The following MMP26 variants were observed in gnomAD, a reference collection of about 807,000 sequenced individuals.
MMP26 encodes matrix metalloproteinase-26.
In MMP26, 33 loss-of-function variants were observed where a neutral mutation model predicts 31.0. The ratio of observed to expected loss-of-function variants is 1.06; its 90% confidence interval spans 0.81 to 1.42. The LOEUF is 1.42. Among genes scored for constraint, MMP26 ranks in the 40% most tolerant of loss-of-function variants. MMP26 has a pLI of 0.00. For missense variants in MMP26, 347 were observed against 316.1 expected (o/e 1.10, Z -0.74); for synonymous variants, 122 against 114.9 (o/e 1.06, Z -0.40).
chr11:4,785,668 AT>A (rs1848933226), intron 2 of MMP26, among the ~76,000 whole-genome samples: 1 of 152,142 alleles, frequency 6.6e-6, no homozygotes, highest in Admixed American at 6.5e-5. Flanking sequence ...CAGCCCAAAT[AT>A]TTTTCCTTTC....
At chr11:4,723,164 C>G in intron 1 of MMP26, 2 of 1,598,006 alleles carry the variant, frequency 1.3e-6, no homozygotes, top group East Asian at 2.2e-5. Context: ...CAGCTCCCCA[C>G]GCTGCTCGGC....
Position 4,989,754 on chromosome 11 carries a change from T to G in MMP26, c.206T>G (p.Leu69Arg), listed in dbSNP as rs758131539. ...QQFHRNGTDLLDMQMHALLHQ... is the reference protein window; with the variant it reads ...QQFHRNGTDLRDMQMHALLHQ... ...TTCCATCGGAATGGGACAGACCTAC[T>G]TGACATGCAGATGCATGCTCTGCTA... Residue 69 changes from leucine (L) to arginine (R), a missense_variant, in exon 4 of 8, where the codon CTT becomes CGT. Leu to Arg is a moderately radical substitution (Grantham distance 102). Transcript: ENST00000380390. The G allele has an allele frequency of 1.2e-6, 2 of 1,614,054 alleles. No homozygotes were observed. The highest frequency in any genetic ancestry group is 4.5e-5 in the East Asian group (2 of 44,870).
intron 2 of MMP26, among the ~76,000 whole-genome samples, chr11:4,929,134 T>C (rs984113018): frequency 6.6e-6 from 1 of 152,152 alleles, no homozygotes; most frequent in Non-Finnish European, 1.5e-5. Context: ...CAAAAATATG[T>C]GCAGCAGAGA....
chr11:4,903,993 A>C (rs1053460105), intron 2 of MMP26: 3 of 152,112 alleles, frequency 2.0e-5, no homozygotes, highest in African/African-American at 7.2e-5. Flanking sequence ...TAATGCCCTA[A>C]TATCAGTAGA....
At chr11:4,969,281 A>G (rs1372623014) in intron 2 of MMP26, among the ~76,000 whole-genome samples, 1 of 152,054 alleles carries the variant, frequency 6.6e-6, no homozygotes, top group Non-Finnish European at 1.5e-5. Flanking sequence ...TATAAAACAT[A>G]TAACAATAAG....
chr11:4,710,517 A>C, intron 1 of MMP26: 1 of 413,902 alleles, frequency 2.4e-6, no homozygotes, highest in Non-Finnish European at 4.9e-6. Context: ...AATTTAGGGA[A>C]GTTTGAGTGT....
At chr11:4,861,667 A>C (rs1159354765) in intron 2 of MMP26, among the ~76,000 whole-genome samples, 1 of 152,114 alleles carries the variant, frequency 6.6e-6, no homozygotes, top group Non-Finnish European at 1.5e-5. Context: ...AGGTAGAAGA[A>C]GATAAAAGTT....
At chr11:4,858,753 C>T (rs562899830) in intron 2 of MMP26, among the ~76,000 whole-genome samples, 1 of 152,236 alleles carries the variant, frequency 6.6e-6, no homozygotes, top group South Asian at 2.1e-4. Flanking sequence ...AAAAAAGAGC[C>T]CGCATTGCCA....
intron 2 of MMP26, chr11:4,803,568 C>A (rs1210549886): frequency 1.2e-6 from 2 of 1,613,914 alleles, no homozygotes; most frequent in East Asian, 2.2e-5. Context: ...CAACTCGGGG[C>A]ACATCATGGC....
In MMP26 at chr11:4,904,073, T is replaced by A. The variant is rs149134226; in HGVS notation, c.-144-83995T>A. Among the ~76,000 whole-genome samples the A allele has an allele frequency of 3.2e-3, 490 of 152,236 alleles. 3 individuals are homozygous for A. The highest frequency in any genetic ancestry group is 0.011 in the African/African-American group (470 of 41,576). On this transcript the variant is annotated intron_variant, in intron 2 of 7. Coordinates refer to ENST00000380390, the MANE Select transcript of MMP26 (RefSeq NM_021801.5). ...GTCAATTAAAAAATATAAATTACTC[T>A]TGTCCAATCTAGGACTTGATGTCTG...
intron 1 of MMP26, among the ~76,000 whole-genome samples, chr11:4,758,028 A>G (rs747905357): frequency 6.6e-6 from 1 of 152,224 alleles, no homozygotes; most frequent in African/African-American, 2.4e-5. Context: ...GAATGAAAGC[A>G]TATGTACACA....
chr11:4,769,074 A>G (rs144710348), intron 2 of MMP26: 13 of 1,571,570 alleles, frequency 8.3e-6, no homozygotes, highest in South Asian at 1.2e-5. Context: ...AAAAGCAGGT[A>G]TACATTAGCC....
At position 4,948,862 on chromosome 11, in the gene MMP26, C is replaced by A. The variant is rs189014341; in HGVS notation, c.-144-39206C>A. Among the ~76,000 whole-genome samples, 905 of 124,814 alleles carry A rather than the reference C, an allele frequency of 7.3e-3. 185 individuals are homozygous for A. Among genetic ancestry groups the A allele is most frequent in the African/African-American group, 0.024 (871 of 36,910 alleles). 81.9% of individuals were successfully genotyped at this position (124,814 alleles called of 152,430 possible). A position where few individuals can be genotyped will look rare whatever the true frequency, so the allele number is the denominator to read the frequency against. On this transcript the variant is annotated intron_variant, in intron 2 of 7. Coordinates refer to ENST00000380390, the MANE Select transcript of MMP26 (RefSeq NM_021801.5). The stretch of plus-strand genomic sequence containing the variant: ...TGTTTGCATCCCCAATGAAAATAAG[C>A]CCCACTTGGTTATGTTGTCAAGAAT...
chr11:4,924,418 C>A, intron 2 of MMP26: 2 of 1,408,192 alleles, frequency 1.4e-6, no homozygotes, highest in Non-Finnish European at 1.9e-6. Flanking sequence ...TTCTCACTCA[C>A]CTAAATGTCC....
intron 2 of MMP26, among the ~76,000 whole-genome samples, chr11:4,798,468 A>C (rs1849137930): frequency 6.6e-6 from 1 of 152,214 alleles, no homozygotes; most frequent in South Asian, 2.1e-4. Context: ...TCAAAATGCA[A>C]AGTATTGAAA....
At chr11:4,774,343 C>T (rs1227201191) in intron 2 of MMP26, among the ~76,000 whole-genome samples, 2 of 151,986 alleles carry the variant, frequency 1.3e-5, no homozygotes, top group African/African-American at 4.8e-5. Context: ...ATGGTATCTC[C>T]TTGTGGCTTT....
chr11:4,813,535 A>G (rs1210990141), intron 2 of MMP26, among the ~76,000 whole-genome samples: 6 of 152,130 alleles, frequency 3.9e-5, no homozygotes, highest in Admixed American at 2.6e-4. Flanking sequence ...CCAGTAATCA[A>G]TTTTCAATAG....
chr11:4,866,814 A>G (rs1396044603), intron 2 of MMP26, among the ~76,000 whole-genome samples: 1 of 152,170 alleles, frequency 6.6e-6, no homozygotes, highest in Admixed American at 6.6e-5. Context: ...GACAAACCTG[A>G]CAAAAATAAG....
intron 2 of MMP26, among the ~76,000 whole-genome samples, chr11:4,785,058 T>G (rs1236957369): frequency 6.6e-6 from 1 of 152,124 alleles, no homozygotes; most frequent in Non-Finnish European, 1.5e-5. Flanking sequence ...CAATGTTGCT[T>G]GTAAGAAATG....
Sources: allele counts gnomAD v4.1 joint callset (sites outside exome capture counted in the v4.1 genomes callset), GRCh38; gene constraint gnomAD v4.1.1; transcripts MANE v1.5; gene names NCBI Gene and HGNC (gene_info 2026-07-23, HGNC 2026-07-21).